The following SEL1L2 variants were observed in gnomAD, a reference collection of about 807,000 sequenced individuals.
SEL1L2 encodes the protein protein sel-1 homolog 2.
SEL1L2 carries 89 observed loss-of-function variants against 98.8 expected under a neutral mutation model. The observed-to-expected ratio is 0.90, with a 90% CI of 0.76 to 1.07. The LOEUF (loss-of-function observed/expected upper bound fraction) is 1.07. Among genes scored for constraint, SEL1L2 ranks in the 50% least tolerant of loss-of-function variants. The pLI, the probability that SEL1L2 is intolerant of heterozygous loss-of-function variation, is 0.00. For synonymous variants in SEL1L2, 262 were observed against 278.5 expected (o/e 0.94, Z 0.59); for missense variants, 788 against 812.0 (o/e 0.97, Z 0.36).
chr20:13,990,014 GTAACTA>G (rs2052462306), intron 1 of SEL1L2, among the ~76,000 whole-genome samples: 1 of 152,110 alleles, frequency 6.6e-6, no homozygotes, highest in Non-Finnish European at 1.5e-5. Flanking sequence ...TTTTCAGATA[GTAACTA>G]TTTAGGAAAC....
chr20:13,888,998 G>A (rs1240924975), intron 5 of SEL1L2, among the ~76,000 whole-genome samples: 1 of 144,524 alleles, frequency 6.9e-6, no homozygotes, highest in Non-Finnish European at 1.5e-5. Context: ...CAGTCTTGTT[G>A]CCCAGGCTGG....
chr20:13,950,070 T>C (rs1299066782), intron 2 of SEL1L2, among the ~76,000 whole-genome samples: 1 of 152,124 alleles, frequency 6.6e-6, no homozygotes, highest in African/African-American at 2.4e-5. Context: ...ATAAGTCAAC[T>C]ATTAAAAGAA....
intron 1 of SEL1L2, among the ~76,000 whole-genome samples, chr20:13,987,120 C>A (rs767403600): frequency 1.3e-5 from 2 of 151,478 alleles, no homozygotes; most frequent in Admixed American, 6.6e-5. Context: ...CGTGAGCCAC[C>A]GCGCCCGGCC....
intron 11 of SEL1L2, 76 bp downstream of exon 11, chr20:13,877,444 G>A: frequency 8.7e-7 from 1 of 1,155,662 alleles, no homozygotes; most frequent in South Asian, 1.3e-5. Flanking sequence ...GGGACAACAG[G>A]CACACGCTGC....
chr20:13,987,311 GT>G (rs67919960), intron 1 of SEL1L2, among the ~76,000 whole-genome samples: 37,143 of 132,084 alleles, frequency 0.28, 5,380 homozygotes, highest in African/African-American at 0.41. Flanking sequence ...TTAATTTACT[GT>G]TTTTTTTTTT....
chr20:13,949,702 C>CAA (rs1399140632), intron 2 of SEL1L2, among the ~76,000 whole-genome samples: 13 of 124,494 alleles, frequency 1.0e-4, no homozygotes, highest in African/African-American at 2.6e-4. Flanking sequence ...AAAAACCAAA[C>CAA]AAACAAAAAA....
chr20:13,981,010 A>C (rs2051799480), intron 1 of SEL1L2, among the ~76,000 whole-genome samples: 1 of 152,220 alleles, frequency 6.6e-6, no homozygotes, highest in African/African-American at 2.4e-5. Context: ...TGAGAGGCCA[A>C]GGCGGGTGGA....
intron 1 of SEL1L2, among the ~76,000 whole-genome samples, chr20:13,978,463 G>C (rs1411096529): frequency 6.6e-6 from 1 of 152,202 alleles, no homozygotes; most frequent in Non-Finnish European, 1.5e-5. Context: ...AACACTGTTA[G>C]TGGAAAGTAA....
Position 13,954,252 on chromosome 20 carries a change from A to G in SEL1L2, c.114+1824T>C, listed in dbSNP as rs191176637. On this transcript the variant is annotated intron_variant, in intron 2 of 19. Coordinates refer to ENST00000284951, the MANE Select transcript of SEL1L2 (RefSeq NM_025229.2). ...GATAACCAGAATTTGCCAAGCCTAC[A>G]TTGGGGGTAGAGATGGAGAGAGGGT... is the stretch of plus-strand genomic sequence containing the variant. 3.7e-3 allele frequency among the ~76,000 whole-genome samples: 560 copies of G among 152,340 alleles called. 6 individuals are homozygous for G. Among genetic ancestry groups the G allele is most frequent in the African/African-American group, 0.013 (545 of 41,578 alleles).
At chr20:13,935,784 CAT>C (rs1393293431) in intron 2 of SEL1L2, among the ~76,000 whole-genome samples, 1 of 152,040 alleles carries the variant, frequency 6.6e-6, no homozygotes, top group East Asian at 1.9e-4. Flanking sequence ...CATTCTGGCT[CAT>C]GTGTGGAGAA....
intron 1 of SEL1L2, among the ~76,000 whole-genome samples, chr20:13,983,802 T>C (rs1371135949): frequency 6.6e-6 from 1 of 151,952 alleles, no homozygotes; most frequent in Non-Finnish European, 1.5e-5. Flanking sequence ...ATTGTAGGTA[T>C]GAACCACTGT....
chr20:13,888,601 C>G (rs1278297970), intron 5 of SEL1L2, 89 bp from the exon 6 acceptor site: 12 of 460,328 alleles, frequency 2.6e-5, no homozygotes, highest in Non-Finnish European at 4.7e-5. Flanking sequence ...ATGTCTGCTT[C>G]ATAATAATTT....
intron 3 of SEL1L2, among the ~76,000 whole-genome samples, chr20:13,922,926 T>C (rs186976155): frequency 2.0e-5 from 3 of 152,292 alleles, no homozygotes; most frequent in East Asian, 1.9e-4. Flanking sequence ...CAAGCAAGTA[T>C]AGGGTTTCAG....
intron 10 of SEL1L2, among the ~76,000 whole-genome samples, chr20:13,881,287 C>T (rs1400230670): frequency 6.6e-6 from 1 of 152,192 alleles, no homozygotes; most frequent in Admixed American, 6.5e-5. Context: ...ACTGGGATTG[C>T]AGGCGTGAGC....
intron 5 of SEL1L2, among the ~76,000 whole-genome samples, chr20:13,900,206 A>G (rs1282893907): frequency 6.6e-6 from 1 of 152,154 alleles, no homozygotes; most frequent in Non-Finnish European, 1.5e-5. Flanking sequence ...AATACCCTAC[A>G]GGAGGAACTG....
At chr20:13,907,702 CTTT>C (rs1568944435) in intron 5 of SEL1L2, among the ~76,000 whole-genome samples, 4 of 59,174 alleles carry the variant, frequency 6.8e-5, no homozygotes, top group East Asian at 4.9e-4. Flanking sequence ...CTTTCTTTCT[CTTT>C]CTTTCTTTCT....
At chr20:13,917,064 T>C (rs2048435833) in intron 4 of SEL1L2, among the ~76,000 whole-genome samples, 1 of 152,060 alleles carries the variant, frequency 6.6e-6, no homozygotes, top group Non-Finnish European at 1.5e-5. Context: ...AATCCAGGGT[T>C]TCCCTGGACT....
intron 1 of SEL1L2, among the ~76,000 whole-genome samples, chr20:13,966,615 T>C (rs540036676): frequency 6.6e-6 from 1 of 151,702 alleles, no homozygotes; most frequent in African/African-American, 2.4e-5. Context: ...CCACTGCGCC[T>C]GGCCACCAAA....
intron 2 of SEL1L2, among the ~76,000 whole-genome samples, chr20:13,938,109 T>TTTGCTCTG (rs1271846803): frequency 6.6e-6 from 1 of 151,208 alleles, no homozygotes; most frequent in Non-Finnish European, 1.5e-5. Context: ...GAGAGGGAGT[T>TTTGCTCTG]TTGCTCTGTT....
Sources: allele counts gnomAD v4.1 joint callset (sites outside exome capture counted in the v4.1 genomes callset), GRCh38; gene constraint gnomAD v4.1.1; transcripts MANE v1.5; gene names NCBI Gene and HGNC (gene_info 2026-07-23, HGNC 2026-07-21).